ZNF474: variants seen among roughly 807,000 people sequenced by gnomAD.
ZNF474 encodes 4933409D10Rik.
For synonymous variants in ZNF474, 192 were observed against 162.2 expected, an observed-to-expected ratio of 1.18 and a Z score of -1.39; for missense variants, 511 against 433.8, an observed-to-expected ratio of 1.18 and a Z score of -1.58.
rs1333851153 is a variant in ZNF474 at position 122,152,484 on chromosome 5, T to A, written c.494T>A (p.Leu165Gln). The A allele has an allele frequency of 6.2e-7, 1 of 1,614,108 alleles. No homozygotes were observed. Among genetic ancestry groups the A allele is most frequent in the Non-Finnish European group, 8.5e-7 (1 of 1,180,046 alleles). ...EAAFQSAQAQ[L>Q]LPCESCGRTF... ...GCATTTCAGAGTGCCCAGGCTCAGC[T>A]GCTGCCCTGTGAATCCTGTGGCCGC... Residue 165 changes from leucine to glutamine, a missense_variant, in exon 2 of 2, where the codon CTG becomes CAG. By Grantham distance (113) the Leu-to-Gln change is moderately radical. Transcript: ENST00000296600.
intron 1 of ZNF474, among the ~76,000 whole-genome samples, chr5:122,151,469 T>C (rs1043195625): frequency 2.0e-5 from 3 of 152,154 alleles, no homozygotes; most frequent in Non-Finnish European, 4.4e-5. Context: ...TCTCAGCCTC[T>C]ATTGCTTTGC....
At position 122,152,421 on chromosome 5, in the gene ZNF474, G is replaced by A; in HGVS notation, c.431G>A (p.Ser144Asn). The A allele has an allele frequency of 6.2e-7, 1 of 1,614,192 alleles. No individual in the cohort carries two copies. Among genetic ancestry groups the A allele is most frequent in the Non-Finnish European group, 8.5e-7 (1 of 1,180,040 alleles). ...PEPSKPQSLS[S>N]SGSYSLQATN... ...CCCTCCAAACCACAGTCTCTCAGCAGCAGTGGGTCCTACAGTCTTCAGGCA... is the reference window on the plus strand; with the variant it reads ...CCCTCCAAACCACAGTCTCTCAGCAACAGTGGGTCCTACAGTCTTCAGGCA... The change falls in exon 2 of 2, where the codon AGC becomes AAC. Residue 144 changes from serine to asparagine, a missense_variant. By Grantham distance (46) the Ser-to-Asn change is conservative. Transcript: ENST00000296600.
intron 1 of ZNF474, among the ~76,000 whole-genome samples, chr5:122,148,513 C>T (rs1756051219): frequency 1.3e-5 from 2 of 152,174 alleles, no homozygotes; most frequent in Admixed American, 6.5e-5. Flanking sequence ...TACCTGGCCT[C>T]TTGGGGCAGC....
intron 1 of ZNF474, among the ~76,000 whole-genome samples, chr5:122,140,578 A>G (rs1045181828): frequency 2.0e-5 from 3 of 152,256 alleles, no homozygotes; most frequent in Non-Finnish European, 2.9e-5. Context: ...TCATAGTATG[A>G]TAAAACAAAA....
At chr5:122,149,854 G>A (rs1179283032) in intron 1 of ZNF474, among the ~76,000 whole-genome samples, 1 of 150,628 alleles carries the variant, frequency 6.6e-6, no homozygotes, top group Non-Finnish European at 1.5e-5. Flanking sequence ...GGATTTCTCA[G>A]TATTCTAATC....
intron 1 of ZNF474, among the ~76,000 whole-genome samples, chr5:122,150,259 T>C (rs1314852368): frequency 3.3e-5 from 5 of 152,336 alleles, no homozygotes; most frequent in East Asian, 3.9e-4. Flanking sequence ...TTATTTTCTA[T>C]GCTGGCCACT....
rs138881186 is a variant in ZNF474, at chr5:122,152,702, A to G, written c.712A>G (p.Ile238Val). The stretch of plus-strand genomic sequence containing the variant: ...GGAATTTGGCACCCTGTCCCTTCCT[A>G]TTCATGAGCCCAAATGCCTGGAAAA... ...GKEFGTLSLP[I>V]HEPKCLEKWK... is the part of the protein sequence containing the mutation. The change falls in exon 2 of 2, where the codon ATT becomes GTT. Residue 238 changes from isoleucine (I) to valine (V), a missense_variant. Coordinates refer to ENST00000296600, the MANE Select transcript of ZNF474 (RefSeq NM_207317.3). The G allele has an allele frequency of 6.0e-5, 97 of 1,614,178 alleles. 1 individual carries two copies. In the African/African-American group the frequency reaches 1.2e-3, roughly 20 times the overall value.
chr5:122,152,885 C>T lies in ZNF474; in HGVS notation c.895C>T (p.Leu299Phe). The change falls in exon 2 of 2, where the codon CTC (leucine) becomes TTC (phenylalanine). Residue 299 changes from leucine (L) to phenylalanine (F), a missense_variant. By Grantham distance (22) the Leu-to-Phe change is conservative (BLOSUM62 0). Coordinates refer to ENST00000296600, the MANE Select transcript of ZNF474 (RefSeq NM_207317.3). ...HCSRIFTSDR[L>F]LVHQRSCKTH... ...TAGCCGAATCTTTACCTCAGACCGCCTCCTGGTACACCAGAGAAGTTGTAA... is the reference window on the plus strand; with the variant it reads ...TAGCCGAATCTTTACCTCAGACCGCTTCCTGGTACACCAGAGAAGTTGTAA... 6.2e-7 allele frequency: 1 copy of T among 1,614,182 alleles called. No homozygotes were observed. Among genetic ancestry groups the T allele is most frequent in the Non-Finnish European group, 8.5e-7 (1 of 1,180,042 alleles).
In ZNF474 at chr5:122,152,973, A is replaced by T. The variant is rs779814811; in HGVS notation, c.983A>T (p.Glu328Val). Residue 328 changes from glutamate (E) to valine (V), a missense_variant, in exon 2 of 2, where the codon GAG becomes GTG. Coordinates refer to ENST00000296600, the MANE Select transcript of ZNF474 (RefSeq NM_207317.3). Reference protein sequence around the residue: ...LNLGSKGGLKEYTNSKQQRNR... With the variant: ...LNLGSKGGLKVYTNSKQQRNR... ...TTAGGGAGTAAAGGAGGCCTAAAAG[A>T]GTACACTAATTCCAAGCAGCAAAGG... is the stretch of plus-strand genomic sequence containing the variant. 3 of 1,614,054 alleles carry T rather than the reference A, an allele frequency of 1.9e-6. No homozygotes were observed. Among genetic ancestry groups the T allele is most frequent in the African/African-American group, 1.3e-5 (1 of 75,060 alleles).
chr5:122,149,601 T>C (rs1474926162), intron 1 of ZNF474, among the ~76,000 whole-genome samples: 2 of 152,210 alleles, frequency 1.3e-5, no homozygotes, highest in African/African-American at 4.8e-5. Flanking sequence ...AGAGCTGGAA[T>C]TGATTCACAG....
chr5:122,135,473 A>T (rs956638314), intron 1 of ZNF474, among the ~76,000 whole-genome samples: 3 of 152,224 alleles, frequency 2.0e-5, no homozygotes, highest in Non-Finnish European at 4.4e-5. Context: ...AATGGATTTT[A>T]TCAGAAAGAC....
intron 1 of ZNF474, among the ~76,000 whole-genome samples, chr5:122,143,940 A>G (rs958694851): frequency 2.6e-5 from 4 of 152,246 alleles, no homozygotes; most frequent in African/African-American, 9.6e-5. Context: ...GATCCACAAA[A>G]CACAATTTTG....
At chr5:122,146,051 G>C (rs897045536) in intron 1 of ZNF474, among the ~76,000 whole-genome samples, 18 of 152,178 alleles carry the variant, frequency 1.2e-4, no homozygotes, top group African/African-American at 3.9e-4. Flanking sequence ...TGCTGGAGTA[G>C]AGGAGTGTTG....
At position 122,141,134 on chromosome 5, in the gene ZNF474, TA is replaced by T. The variant is rs1408601781; in HGVS notation, c.-212-10644del. On this transcript the variant is annotated intron_variant, in intron 1 of 1. Coordinates refer to ENST00000296600, the MANE Select transcript of ZNF474 (RefSeq NM_207317.3). ...TATTTTATTTTATTTTATTTTATTT[TA>T]TTTTATTTTATTTTATTTTATTTTA... Among the ~76,000 whole-genome samples the T allele has an allele frequency of 3.2e-3, 428 of 131,830 alleles. 9 individuals are homozygous for T. Among genetic ancestry groups the T allele is most frequent in the Admixed American group, 6.6e-3 (84 of 12,676 alleles). 86.5% of individuals were successfully genotyped at this position (131,830 alleles called of 152,430 possible). A position where few individuals can be genotyped will look rare whatever the true frequency, so the allele number is the denominator to read the frequency against.
chr5:122,137,779 T>C (rs1755741027), intron 1 of ZNF474, among the ~76,000 whole-genome samples: 1 of 152,098 alleles, frequency 6.6e-6, no homozygotes, highest in Non-Finnish European at 1.5e-5. Flanking sequence ...GGATTTTATT[T>C]TGAGAGTAGT....
intron 1 of ZNF474, among the ~76,000 whole-genome samples, chr5:122,139,686 A>G (rs1206487173): frequency 1.3e-5 from 2 of 152,250 alleles, no homozygotes; most frequent in South Asian, 2.1e-4. Flanking sequence ...AAATCAGCTT[A>G]TAACACTTAA....
intron 1 of ZNF474, among the ~76,000 whole-genome samples, chr5:122,139,380 T>G (rs1465123795): frequency 6.6e-6 from 1 of 152,188 alleles, no homozygotes. Context: ...TCATTATCAT[T>G]CCCTAAAAAT....
In ZNF474 at chr5:122,150,938, G is replaced by A. The variant is rs1756153011; in HGVS notation, c.-212-841G>A. 2.0e-5 allele frequency among the ~76,000 whole-genome samples: 3 copies of A among 152,212 alleles called. 1 individual carries two copies. In the South Asian group the frequency reaches 6.2e-4, roughly 31 times the overall value. ...TGAAAGATCTGCAGATATCCCACCA[G>A]GATGGGTGCCGGCCTAGGCTGTACT... On this transcript the variant is annotated intron_variant, in intron 1 of 1. Transcript: ENST00000296600.
At position 122,152,952 on chromosome 5, in the gene ZNF474, G is replaced by A. The variant is rs763877198; in HGVS notation, c.962G>A (p.Gly321Glu). The A allele has an allele frequency of 3.1e-6, 5 of 1,613,978 alleles. No individual in the cohort carries two copies. Among genetic ancestry groups the A allele is most frequent in the Non-Finnish European group, 4.2e-6 (5 of 1,180,040 alleles). ...CCAAAATATCAGAATTTGAATTTAG[G>A]GAGTAAAGGAGGCCTAAAAGAGTAC... ...YGPKYQNLNL[G>E]SKGGLKEYTN... Residue 321 changes from glycine (G) to glutamate (E), a missense_variant, in exon 2 of 2, where the codon GGG becomes GAG. By Grantham distance (98) the Gly-to-Glu change is moderately conservative. Coordinates refer to ENST00000296600, the MANE Select transcript of ZNF474 (RefSeq NM_207317.3).
Sources: allele counts gnomAD v4.1 joint callset (sites outside exome capture counted in the v4.1 genomes callset), GRCh38; gene constraint gnomAD v4.1.1; transcripts MANE v1.5; gene names NCBI Gene and HGNC (gene_info 2026-07-23, HGNC 2026-07-21).